AK9: variants seen among roughly 807,000 people sequenced by gnomAD.
The protein encoded by AK9 is adenylate kinase 9, also known as adenylate kinase domain containing 1.
In AK9, 191 loss-of-function variants were observed where a neutral mutation model predicts 239.6. The ratio of observed to expected loss-of-function variants is 0.80; its 90% CI spans 0.71 to 0.90. The LOEUF is 0.90. Ranked by LOEUF, AK9 falls within the 40% of genes least tolerant of loss-of-function variation. The pLI, the probability that AK9 is intolerant of heterozygous loss-of-function variation, is 0.00. For missense variants in AK9, 1,995 were observed against 2,214.7 expected (o/e 0.90, Z 1.99); for synonymous variants, 689 against 721.0 (o/e 0.96, Z 0.71).
rs537714916 is a variant in AK9 at position 109,678,262 on chromosome 6, C to T, written c.-11-2506G>A. 6.6e-5 allele frequency among the ~76,000 whole-genome samples: 10 copies of T among 152,288 alleles called. No homozygotes were observed. In the East Asian group the frequency reaches 1.5e-3, roughly 24 times the overall value. On this transcript the variant is annotated intron_variant, in intron 1 of 40. Coordinates refer to ENST00000424296, the MANE Select transcript of AK9 (RefSeq NM_001145128.3). Reference sequence around the variant, plus strand: ...AATAAACTATTGATACATGCAGCAACGTGTATCAATCTCTAAAGAATTAAA... The same window carrying T: ...AATAAACTATTGATACATGCAGCAATGTGTATCAATCTCTAAAGAATTAAA...
chr6:109,561,522 C>T (rs533321137), intron 24 of AK9, among the ~76,000 whole-genome samples: 1 of 151,920 alleles, frequency 6.6e-6, no homozygotes, highest in East Asian at 1.9e-4. Flanking sequence ...CCATGTTGCC[C>T]AGGCTGTTCT....
intron 20 of AK9, among the ~76,000 whole-genome samples, chr6:109,574,689 T>TA (rs1262725976): frequency 5.9e-5 from 9 of 152,120 alleles, no homozygotes; most frequent in East Asian, 1.9e-4. Context: ...GTCTTTTTTT[T>TA]AACATCTGTC....
intron 28 of AK9, among the ~76,000 whole-genome samples, chr6:109,530,115 C>A (rs141932280): frequency 9.0e-4 from 137 of 152,316 alleles, no homozygotes; most frequent in African/African-American, 3.2e-3. Context: ...TTTGATAGGT[C>A]TCCAAGGTCT....
intron 8 of AK9, among the ~76,000 whole-genome samples, chr6:109,652,562 T>C (rs1041787800): frequency 6.6e-6 from 1 of 152,250 alleles, no homozygotes; most frequent in Non-Finnish European, 1.5e-5. Context: ...GATTATGTAC[T>C]GTGGATATAG....
At chr6:109,594,787 T>C (rs1481111575) in intron 17 of AK9, among the ~76,000 whole-genome samples, 2 of 152,210 alleles carry the variant, frequency 1.3e-5, no homozygotes, top group African/African-American at 4.8e-5. Flanking sequence ...TAAACGCTGT[T>C]GGGAAAACTG....
At chr6:109,546,154 G>A in intron 25 of AK9, 27 bp from the exon 26 acceptor site, 2 of 1,503,956 alleles carry the variant, frequency 1.3e-6, no homozygotes, top group Non-Finnish European at 9.0e-7. Flanking sequence ...GTCAGGGAGG[G>A]GTGGGATAAA....
At chr6:109,611,563 G>T (rs1448389203) in intron 16 of AK9, among the ~76,000 whole-genome samples, 2 of 151,196 alleles carry the variant, frequency 1.3e-5, no homozygotes, top group Non-Finnish European at 2.9e-5. Flanking sequence ...GTGTGTGTGT[G>T]TGCACATGTT....
intron 29 of AK9, among the ~76,000 whole-genome samples, chr6:109,521,325 T>C (rs181780718): frequency 6.6e-6 from 1 of 152,122 alleles, no homozygotes; most frequent in African/African-American, 2.4e-5. Flanking sequence ...ATCACTCCTC[T>C]TTCTGCCTGT....
At chr6:109,592,039 C>T (rs535934056) in intron 17 of AK9, among the ~76,000 whole-genome samples, 39 of 152,134 alleles carry the variant, frequency 2.6e-4, no homozygotes, top group African/African-American at 9.4e-4. Flanking sequence ...TTGTCTATTT[C>T]AGAAAAATTG....
chr6:109,541,343 T>G (rs1782854673), intron 27 of AK9, among the ~76,000 whole-genome samples: 1 of 152,232 alleles, frequency 6.6e-6, no homozygotes, highest in Admixed American at 6.5e-5. Flanking sequence ...CTCTATTATA[T>G]TATAGTTTTA....
At chr6:109,657,766 T>C (rs1019088024) in intron 7 of AK9, among the ~76,000 whole-genome samples, 38 of 152,162 alleles carry the variant, frequency 2.5e-4, no homozygotes, top group Non-Finnish European at 4.4e-4. Context: ...GTTCTCATTA[T>C]TCAATTCCCA....
intron 32 of AK9, among the ~76,000 whole-genome samples, chr6:109,512,141 A>T (rs927046784): frequency 2.6e-5 from 4 of 152,180 alleles, no homozygotes; most frequent in African/African-American, 9.7e-5. Flanking sequence ...GACCTTGCTG[A>T]TAAAACAGAT....
rs73762781 is a variant in AK9, at chr6:109,675,662, G to T, written c.84C>A (p.Ser28=). Reference sequence around the variant, plus strand: ...CAAATACAACAAAGCAAACAGGTTTGGACAACAAAAAATTCCTTTCAGTTT... The same window carrying T: ...CAAATACAACAAAGCAAACAGGTTTTGACAACAAAAAATTCCTTTCAGTTT... ...EDETERNFLL[S]KPVCFVVFGK... The change falls in exon 2 of 41, where the codon TCC becomes TCA. Residue 28 remains serine, a synonymous_variant. Transcript: ENST00000424296. 1,480 of 1,590,366 alleles carry T rather than the reference G, an allele frequency of 9.3e-4. 18 individuals are homozygous for T. In the African/African-American group the frequency reaches 0.018, roughly 20 times the overall value.
chr6:109,666,886 C>T (rs1238260698), intron 5 of AK9, among the ~76,000 whole-genome samples: 1 of 152,152 alleles, frequency 6.6e-6, no homozygotes, highest in Admixed American at 6.5e-5. Flanking sequence ...CAATGACTTG[C>T]AAGACTATTC....
At chr6:109,533,956 C>G (rs1781617144) in intron 27 of AK9, among the ~76,000 whole-genome samples, 1 of 151,994 alleles carries the variant, frequency 6.6e-6, no homozygotes, top group Non-Finnish European at 1.5e-5. Context: ...AAGAGTACAC[C>G]TGGCCAGCCC....
intron 1 of AK9, among the ~76,000 whole-genome samples, chr6:109,684,311 G>A (rs992474019): frequency 4.6e-5 from 7 of 152,060 alleles, no homozygotes; most frequent in Admixed American, 1.3e-4. Context: ...GAAAACCTGC[G>A]CAATACCATT....
chr6:109,508,768 G>A (rs535361048), intron 33 of AK9, among the ~76,000 whole-genome samples: 34 of 152,296 alleles, frequency 2.2e-4, no homozygotes, highest in Non-Finnish European at 4.7e-4. Flanking sequence ...GAGAGGCACT[G>A]CTACCCGTGC....
chr6:109,685,766 T>A (rs1773419938), intron 1 of AK9, among the ~76,000 whole-genome samples: 1 of 152,164 alleles, frequency 6.6e-6, no homozygotes, highest in Non-Finnish European at 1.5e-5. Flanking sequence ...TGGAAGCTCA[T>A]GACATTGCAT....
intron 17 of AK9, among the ~76,000 whole-genome samples, chr6:109,595,769 C>A (rs1056231206): frequency 2.0e-5 from 3 of 152,134 alleles, no homozygotes; most frequent in Non-Finnish European, 2.9e-5. Flanking sequence ...CCAAACACTG[C>A]ATGTTCTCAC....
Sources: gnomAD v4.1 joint callset for allele counts (sites outside exome capture counted in the v4.1 genomes callset) on GRCh38, gnomAD v4.1.1 for gene constraint, MANE v1.5 for transcripts, NCBI Gene and HGNC (gene_info 2026-07-23, HGNC 2026-07-21) for gene names.